ACSM3: variants seen among roughly 807,000 people sequenced by gnomAD.
ACSM3 encodes acyl-coenzyme A synthetase ACSM3, mitochondrial.
Under a neutral mutation model 74.1 loss-of-function variants are expected in ACSM3, and 61 were observed. The ratio of observed to expected loss-of-function variants is 0.82; its 90% confidence interval spans 0.67 to 1.02. ACSM3 has a LOEUF of 1.02. ACSM3 is among the 50% of genes least tolerant of loss of function. ACSM3 has a pLI of 0.00. For synonymous variants in ACSM3, 213 were observed against 241.5 expected, an observed-to-expected ratio of 0.88 and a Z score of 1.09; for missense variants, 660 against 697.0, an observed-to-expected ratio of 0.95 and a Z score of 0.60.
At chr16:20,741,481 G>GGGGGGGGGGCCCCCCCCCCC in intron 1 of ACSM3, 2 of 1,308,412 alleles carry the variant, frequency 1.5e-6, no homozygotes, top group Non-Finnish European at 2.0e-6. Flanking sequence ...CTGGCAGCCG[G>GGGGGGGGGGCCCCCCCCCCC]CCCGCCCGCC....
intron 1 of ACSM3, among the ~76,000 whole-genome samples, chr16:20,742,402 A>G (rs2079935380): frequency 6.6e-6 from 1 of 152,128 alleles, no homozygotes. Flanking sequence ...TCACGCCTGT[A>G]ATCCCAGCAC....
chr16:20,789,671 C>A, intron 9 of ACSM3: 2 of 627,694 alleles, frequency 3.2e-6, no homozygotes, highest in Admixed American at 2.9e-5. Flanking sequence ...TATTATAAAG[C>A]AACTCTATTT....
Position 20,772,675 on chromosome 16 carries a change from G to A in ACSM3, c.219+2422G>A, listed in dbSNP as rs575121871. On this transcript the variant is annotated intron_variant, in intron 2 of 13. Transcript: ENST00000289416. ...TTGAAAATCTGTTGAATGTAAATGT[G>A]TGGGTTTAGTTCTGGGTTATCTATT... is the stretch of plus-strand genomic sequence containing the variant. Among the ~76,000 whole-genome samples the A allele has an allele frequency of 3.5e-4, 54 of 152,276 alleles. No homozygotes were observed. In the South Asian group the frequency reaches 5.4e-3, roughly 15 times the overall value.
intron 1 of ACSM3, among the ~76,000 whole-genome samples, chr16:20,725,736 C>A (rs907674641): frequency 7.2e-5 from 11 of 152,164 alleles, no homozygotes; most frequent in African/African-American, 2.7e-4. Flanking sequence ...ACTTTGGAAG[C>A]TGAGGCGGGC....
intron 1 of ACSM3, among the ~76,000 whole-genome samples, chr16:20,742,754 C>T (rs2079938164): frequency 6.7e-6 from 1 of 150,104 alleles, no homozygotes; most frequent in African/African-American, 2.5e-5. Flanking sequence ...TGTTGCTTCC[C>T]GGTCTGGTGA....
At chr16:20,748,576 C>A (rs923867964) in intron 1 of ACSM3, among the ~76,000 whole-genome samples, 1 of 152,182 alleles carries the variant, frequency 6.6e-6, no homozygotes, top group African/African-American at 2.4e-5. Flanking sequence ...TAAGTGTTCA[C>A]TGCTGCTGTT....
Position 20,755,785 on chromosome 16 carries a change from C to G in ACSM3, c.-52+169C>G, listed in dbSNP as rs866498317. ...TATCTCCTAATGCTATCCCTCCCCC[C>G]CCCCCACCCCACAGCAGTCCCCAGA... is the stretch of plus-strand genomic sequence containing the variant. On this transcript the variant is annotated intron_variant, in intron 3 of 3. Transcript: ENST00000561584. 4.1e-4 allele frequency among the ~76,000 whole-genome samples: 35 copies of G among 86,236 alleles called. 1 individual carries two copies. The South Asian group carries it at 0.018, about 44-fold the overall frequency. 56.6% of individuals were successfully genotyped at this position (86,236 alleles called of 152,430 possible). A position where few individuals can be genotyped will look rare whatever the true frequency, so the allele number is the denominator to read the frequency against.
In ACSM3 at chr16:20,715,628, A is replaced by C. The variant is rs185394228; in HGVS notation, c.-189-34282A>C. 9.8e-3 allele frequency among the ~76,000 whole-genome samples: 1,432 copies of C among 145,638 alleles called. 13 individuals are homozygous for C. The highest frequency in any genetic ancestry group is 0.036 in the Middle Eastern group (10 of 280). Reference sequence around the variant, plus strand: ...CAAAACAAAACAAAACAAAACAAAAAAAAATCCTCACTGTTTTTACAGTTT... The same window carrying C: ...CAAAACAAAACAAAACAAAACAAAACAAAATCCTCACTGTTTTTACAGTTT... On this transcript the variant is annotated intron_variant, in intron 1 of 3. Transcript: ENST00000561584.
intron 1 of ACSM3, chr16:20,743,798 C>G (rs1382900590): frequency 6.6e-6 from 1 of 152,172 alleles, no homozygotes; most frequent in African/African-American, 2.4e-5. Flanking sequence ...TGGCCTTCCC[C>G]CAAATCTCTC....
chr16:20,744,488 G>A (rs1246680046), intron 1 of ACSM3, among the ~76,000 whole-genome samples: 7 of 152,136 alleles, frequency 4.6e-5, no homozygotes, highest in Admixed American at 3.3e-4. Context: ...GGGTTCAAGC[G>A]ATTCTCCTGC....
intron 4 of ACSM3, among the ~76,000 whole-genome samples, chr16:20,778,643 A>C (rs2080287539): frequency 6.6e-6 from 1 of 151,920 alleles, no homozygotes; most frequent in Non-Finnish European, 1.5e-5. Flanking sequence ...CTGAGCCTAC[A>C]CTCCTCACTT....
Position 20,700,488 on chromosome 16 carries a change from T to C in ACSM3, c.-190+25666T>C, listed in dbSNP as rs570840460. ...ACCTGAAGGAGGAGAAGCAGCCAGC[T>C]AGGGAAAAAGAACTCCAGGCAAAAG... is the stretch of plus-strand genomic sequence containing the variant. On this transcript the variant is annotated intron_variant, in intron 1 of 3. Coordinates refer to the ACSM3 transcript ENST00000561584. 4.6e-5 allele frequency among the ~76,000 whole-genome samples: 7 copies of C among 152,052 alleles called. No individual in the cohort carries two copies. In the South Asian group the frequency reaches 1.3e-3, roughly 27 times the overall value.
intron 2 of ACSM3, among the ~76,000 whole-genome samples, chr16:20,771,091 T>C (rs1461899711): frequency 2.0e-5 from 3 of 152,222 alleles, no homozygotes; most frequent in African/African-American, 7.2e-5. Context: ...TCCCTACTTC[T>C]ATGAGCTCTT....
At chr16:20,758,869 G>C (rs1453102361) in intron 3 of ACSM3, among the ~76,000 whole-genome samples, 7 of 151,980 alleles carry the variant, frequency 4.6e-5, no homozygotes, top group Non-Finnish European at 1.5e-5. Context: ...CTTTATTTCT[G>C]CCTTCATTTC....
At chr16:20,719,496 T>A (rs1322760692) in intron 1 of ACSM3, 1 of 176,100 alleles carries the variant, frequency 5.7e-6, no homozygotes, top group African/African-American at 2.3e-5. Flanking sequence ...CTGGAAATCA[T>A]TTCTTTATAA....
At chr16:20,718,878 A>G (rs1365124491) in intron 1 of ACSM3, among the ~76,000 whole-genome samples, 2 of 152,204 alleles carry the variant, frequency 1.3e-5, no homozygotes, top group African/African-American at 4.8e-5. Flanking sequence ...ACTTCATTGT[A>G]TATGTATTCG....
chr16:20,743,082 G>C (rs940126062), intron 1 of ACSM3, among the ~76,000 whole-genome samples: 1 of 151,560 alleles, frequency 6.6e-6, no homozygotes, highest in African/African-American at 2.4e-5. Flanking sequence ...GGGACTACAG[G>C]CGCCCGCCAC....
chr16:20,789,700 T>C, intron 9 of ACSM3: 1 of 611,618 alleles, frequency 1.6e-6, no homozygotes, highest in East Asian at 2.8e-5. Context: ...TTTTTTTTTT[T>C]TTTGAGATGG....
At position 20,770,438 on chromosome 16, in the gene ACSM3, C is replaced by T. The variant is rs182267771; in HGVS notation, c.219+185C>T. On this transcript the variant is annotated intron_variant, in intron 2 of 13. Coordinates refer to ENST00000289416, the MANE Select transcript of ACSM3 (RefSeq NM_005622.4). ...ATCCCATAATGCACAGGGCAGCCTC[C>T]AGAACAAAGAATTATTTGACCCGAA... Among the ~76,000 whole-genome samples, 691 of 152,028 alleles carry T rather than the reference C, an allele frequency of 4.5e-3. 6 individuals are homozygous for T. Among genetic ancestry groups the T allele is most frequent in the African/African-American group, 0.015 (641 of 41,468 alleles).
Sources: allele counts gnomAD v4.1 joint callset (sites outside exome capture counted in the v4.1 genomes callset), GRCh38; gene constraint gnomAD v4.1.1; transcripts MANE v1.5; gene names NCBI Gene and HGNC (gene_info 2026-07-23, HGNC 2026-07-21).